The following MRTFA variants were observed in gnomAD, a reference collection of about 807,000 sequenced individuals.
MRTFA encodes the protein myocardin-related transcription factor A.
A neutral mutation model predicts 83.5 loss-of-function variants in MRTFA; 20 were observed. That is an observed-to-expected ratio of 0.24 (90% CI 0.17 to 0.35). The LOEUF is 0.35. Among genes scored for constraint, MRTFA ranks in the 10% least tolerant of loss-of-function variants. The pLI, the probability that MRTFA is intolerant of heterozygous loss-of-function variation, is 1.00. For synonymous variants in MRTFA, 659 were observed against 541.2 expected (o/e 1.22, Z -3.02); for missense variants, 1,200 against 1,224.7 (o/e 0.98, Z 0.30).
intron 5 of MRTFA, chr22:40,433,221 C>G (rs1361308074): frequency 1.2e-5 from 2 of 163,332 alleles, no homozygotes; most frequent in African/African-American, 4.8e-5. Context: ...TATAAGGTCT[C>G]TGATGGAAAA....
chr22:40,435,248 A>C (rs1179231289), intron 5 of MRTFA, among the ~76,000 whole-genome samples: 1 of 152,218 alleles, frequency 6.6e-6, no homozygotes, highest in African/African-American at 2.4e-5. Flanking sequence ...CCATATCCTT[A>C]AATGTACAAA....
At chr22:40,459,780 T>TACAC (rs1490741833) in intron 4 of MRTFA, among the ~76,000 whole-genome samples, 50 of 80,804 alleles carry the variant, frequency 6.2e-4, no homozygotes, top group Admixed American at 2.5e-3. Flanking sequence ...ACTGATAAAA[T>TACAC]ATACACACAC....
At chr22:40,562,554 C>CGGAAGGGAAGG (rs1218238929) in intron 2 of MRTFA, among the ~76,000 whole-genome samples, 4 of 118,152 alleles carry the variant, frequency 3.4e-5, no homozygotes, top group Admixed American at 9.9e-5. Flanking sequence ...GAAAGAAAAA[C>CGGAAGGGAAGG]GGAAGGGAAG....
At chr22:40,427,280 A>C (rs116971651) in intron 7 of MRTFA, among the ~76,000 whole-genome samples, 1,767 of 152,280 alleles carry the variant, frequency 0.012, 15 homozygotes, top group Non-Finnish European at 0.02. Context: ...TCTGTGAATT[A>C]TAAGAGCTAC....
intron 2 of MRTFA, among the ~76,000 whole-genome samples, chr22:40,553,587 G>A (rs1022437194): frequency 6.6e-6 from 1 of 152,170 alleles, no homozygotes; most frequent in Admixed American, 6.5e-5. Flanking sequence ...TTGAGGTTTG[G>A]GAACCTCCAC....
At chr22:40,602,810 G>A (rs1389558654) in intron 1 of MRTFA, among the ~76,000 whole-genome samples, 1 of 152,036 alleles carries the variant, frequency 6.6e-6, no homozygotes, top group East Asian at 1.9e-4. Flanking sequence ...TCACACTATT[G>A]CACTCCAGCC....
At chr22:40,449,079 A>AT (rs2053437606) in intron 4 of MRTFA, among the ~76,000 whole-genome samples, 1 of 152,070 alleles carries the variant, frequency 6.6e-6, no homozygotes, top group Non-Finnish European at 1.5e-5. Context: ...TCCCGGCTAA[A>AT]ATAGTGAAAC....
At chr22:40,473,092 C>T (rs1025472647) in intron 3 of MRTFA, among the ~76,000 whole-genome samples, 6 of 152,026 alleles carry the variant, frequency 3.9e-5, no homozygotes, top group Non-Finnish European at 8.8e-5. Context: ...TTAATGCATA[C>T]GATATGATGC....
chr22:40,536,045 A>C (rs2055166090), intron 3 of MRTFA, among the ~76,000 whole-genome samples: 1 of 152,062 alleles, frequency 6.6e-6, no homozygotes, highest in Non-Finnish European at 1.5e-5. Context: ...AGAAGCACTT[A>C]CTTTCGTAGG....
intron 2 of MRTFA, among the ~76,000 whole-genome samples, chr22:40,572,635 G>T (rs1417715133): frequency 6.6e-6 from 1 of 152,146 alleles, no homozygotes; most frequent in Non-Finnish European, 1.5e-5. Context: ...AGACATACCT[G>T]AGACTGGGAA....
In MRTFA at chr22:40,423,689, A is replaced by C. The variant is rs773412206; in HGVS notation, c.778-4T>G. ...CCATCGGAAGTTGAGACACAACCTG[A>C]GAGGGAAAAAGGGAAGTGAGGACAT... On this transcript the variant is annotated splice_region_variant and splice_polypyrimidine_tract_variant and intron_variant, in intron 8 of 14. Transcript: ENST00000355630. The C allele has an allele frequency of 6.5e-7, 1 of 1,540,084 alleles. No individual in the cohort carries two copies.
At chr22:40,588,675 G>A (rs1259109455) in intron 2 of MRTFA, among the ~76,000 whole-genome samples, 4 of 152,092 alleles carry the variant, frequency 2.6e-5, no homozygotes, top group African/African-American at 9.7e-5. Context: ...CATTTCCAAC[G>A]TACACATTAA....
chr22:40,434,501 C>A (rs2053129881), intron 5 of MRTFA, among the ~76,000 whole-genome samples: 2 of 152,010 alleles, frequency 1.3e-5, no homozygotes, highest in Admixed American at 6.6e-5. Flanking sequence ...GCAGGCAGAT[C>A]ACTTGAGGCC....
intron 3 of MRTFA, among the ~76,000 whole-genome samples, chr22:40,534,964 G>C (rs1259439086): frequency 6.6e-6 from 1 of 152,186 alleles, no homozygotes; most frequent in Non-Finnish European, 1.5e-5. Context: ...TATTAGTAAA[G>C]AGAAGCAATG....
At chr22:40,586,843 C>T (rs1347699993) in intron 2 of MRTFA, 3 of 403,916 alleles carry the variant, frequency 7.4e-6, no homozygotes, top group African/African-American at 2.1e-5. Context: ...CTACCACAGG[C>T]TTCTTGACTG....
intron 4 of MRTFA, among the ~76,000 whole-genome samples, chr22:40,445,119 A>G (rs2147117917): frequency 6.6e-6 from 1 of 152,236 alleles, no homozygotes; most frequent in Admixed American, 6.5e-5. Flanking sequence ...CCATATATTA[A>G]TTTCATTACC....
intron 3 of MRTFA, among the ~76,000 whole-genome samples, chr22:40,505,478 A>C (rs1440100824): frequency 6.6e-6 from 1 of 152,246 alleles, no homozygotes; most frequent in Non-Finnish European, 1.5e-5. Flanking sequence ...TAACTACTTA[A>C]AGTGCCCGAT....
intron 3 of MRTFA, among the ~76,000 whole-genome samples, chr22:40,499,645 A>G (rs1031330481): frequency 2.0e-5 from 3 of 152,182 alleles, no homozygotes; most frequent in African/African-American, 7.2e-5. Flanking sequence ...CTATAATTAC[A>G]TCCTCAAAAA....
intron 1 of MRTFA, among the ~76,000 whole-genome samples, chr22:40,627,692 T>C (rs1222023307): frequency 6.6e-6 from 1 of 152,078 alleles, no homozygotes. Flanking sequence ...CAAAAACAGA[T>C]CTGGATTCAA....
Sources: allele counts gnomAD v4.1 joint callset (sites outside exome capture counted in the v4.1 genomes callset), GRCh38; gene constraint gnomAD v4.1.1; transcripts MANE v1.5; gene names NCBI Gene and HGNC (gene_info 2026-07-23, HGNC 2026-07-21).